Variants in XPO1 observed in about 807,000 individuals in gnomAD.
XPO1 encodes the protein exportin-1.
Under a neutral mutation model 133.3 loss-of-function variants are expected in XPO1, and 5 were observed. The observed-to-expected ratio is 0.04, with a 90% CI of 0.02 to 0.08. The LOEUF is 0.08. Ranked by LOEUF, XPO1 falls within the 10% of genes least tolerant of loss-of-function variation. XPO1 has a pLI of 1.00. For synonymous variants in XPO1, 419 were observed against 408.2 expected, an observed-to-expected ratio of 1.03 and a Z score of -0.32; for missense variants, 506 against 1,267.5, an observed-to-expected ratio of 0.40 and a Z score of 9.12.
At chr2:61,500,931 T>C (rs192174368) in intron 6 of XPO1, among the ~76,000 whole-genome samples, 2 of 152,320 alleles carry the variant, frequency 1.3e-5, no homozygotes, top group African/African-American at 4.8e-5. Flanking sequence ...TTTGGATATA[T>C]GAATTTAAAA....
At chr2:61,499,243 A>C (rs534268499) in intron 7 of XPO1, among the ~76,000 whole-genome samples, 1 of 152,322 alleles carries the variant, frequency 6.6e-6, no homozygotes, top group African/African-American at 2.4e-5. Context: ...ACTGAAAAGA[A>C]GCAGAGACAA....
intron 11 of XPO1, among the ~76,000 whole-genome samples, chr2:61,495,120 C>T (rs1257447938): frequency 2.6e-5 from 4 of 151,608 alleles, no homozygotes; most frequent in East Asian, 1.9e-4. Context: ...TGGGATTACA[C>T]GATGAATTGT....
chr2:61,491,459 A>AACACACACACACACACACACACAC (rs61072503), intron 16 of XPO1, among the ~76,000 whole-genome samples: 3 of 142,908 alleles, frequency 2.1e-5, no homozygotes, highest in Non-Finnish European at 4.6e-5. Context: ...TCAAAAAACA[A>AACACACACACACACACACACACAC]ACACACACAC....
At chr2:61,509,626 CA>C (rs1035000369) in intron 4 of XPO1, among the ~76,000 whole-genome samples, 1 of 149,442 alleles carries the variant, frequency 6.7e-6, no homozygotes, top group Non-Finnish European at 1.5e-5. Flanking sequence ...AACTCTGTCT[CA>C]AAAAAAAGGA....
At chr2:61,484,173 G>C in intron 20 of XPO1, 68 bp from the exon 21 acceptor site, 1 of 1,388,100 alleles carries the variant, frequency 7.2e-7, no homozygotes, top group Non-Finnish European at 1.0e-6. Flanking sequence ...GAGGGGAAAA[G>C]CAAGGCTTAA....
Position 61,478,581 on chromosome 2 carries a change from T to A in XPO1, c.*239A>T. 4.5e-6 allele frequency: 2 copies of A among 441,702 alleles called. No individual in the cohort carries two copies. Among genetic ancestry groups the A allele is most frequent in the Admixed American group, 4.3e-5 (1 of 23,282 alleles). 27.4% of individuals were successfully genotyped at this position (441,702 alleles called of 1,614,324 possible). On this transcript the variant is annotated 3_prime_UTR_variant, in exon 25 of 25. Coordinates refer to ENST00000401558, the MANE Select transcript of XPO1 (RefSeq NM_003400.4). ...CACAAAAATGGGCATGAAGTAAAAT[T>A]TTTAAAAATGCCTTAATTTTCAACT...
chr2:61,487,507 C>A (rs1696753316), intron 19 of XPO1, among the ~76,000 whole-genome samples: 1 of 151,214 alleles, frequency 6.6e-6, no homozygotes, highest in African/African-American at 2.4e-5. Flanking sequence ...AATTTCAAAA[C>A]TATGAAAATA....
intron 3 of XPO1, chr2:61,525,645 T>TA: frequency 1.2e-5 from 12 of 1,023,020 alleles, no homozygotes; most frequent in Non-Finnish European, 1.2e-5. Flanking sequence ...CAAACACTGT[T>TA]ATGTTACTTA....
At chr2:61,537,517 C>G (rs1290547804) in intron 1 of XPO1, 45 bp downstream of exon 1, 1 of 148,156 alleles carries the variant, frequency 6.7e-6, no homozygotes, top group Non-Finnish European at 1.5e-5. Flanking sequence ...CCCGCCCGGC[C>G]GCGCCGCCGC....
chr2:61,496,349 C>G (rs1697241290), intron 10 of XPO1, among the ~76,000 whole-genome samples: 1 of 152,068 alleles, frequency 6.6e-6, no homozygotes, highest in African/African-American at 2.4e-5. Context: ...GTAGCTGGAA[C>G]TACAGGTGTG....
At chr2:61,497,872 G>A (rs1697321298) in intron 9 of XPO1, among the ~76,000 whole-genome samples, 1 of 152,174 alleles carries the variant, frequency 6.6e-6, no homozygotes, top group Non-Finnish European at 1.5e-5. Context: ...AATGTTCTCT[G>A]TAGGACTGTT....
intron 12 of XPO1, chr2:61,493,279 A>G (rs1697080969): frequency 2.6e-6 from 1 of 381,176 alleles, no homozygotes; most frequent in Non-Finnish European, 4.6e-6. Context: ...CCAATCTCTA[A>G]AACAATAAAA....
intron 4 of XPO1, among the ~76,000 whole-genome samples, chr2:61,503,408 G>A (rs1359396024): frequency 1.3e-5 from 2 of 150,554 alleles, no homozygotes; most frequent in African/African-American, 2.4e-5. Context: ...TTACAGGCAC[G>A]CACCACCACA....
chr2:61,488,794 C>T (rs1223423525), intron 17 of XPO1, 23 bp from the exon 18 acceptor site: 7 of 1,610,218 alleles, frequency 4.3e-6, no homozygotes, highest in Non-Finnish European at 5.9e-6. Context: ...AAAGCAAATT[C>T]CATTTATCAT....
rs144146024 is a variant in XPO1, at chr2:61,512,954, C to T, written c.301+9657G>A. Among the ~76,000 whole-genome samples the T allele has an allele frequency of 1.4e-4, 21 of 152,204 alleles. No individual in the cohort carries two copies. The East Asian group carries it at 2.3e-3, about 17-fold the overall frequency. Reference sequence around the variant, plus strand: ...GGTGGAGTTTGCAGTGAGCCAAGATCGCGCCACTGTACTCTGGCCAGGAGA... The same window carrying T: ...GGTGGAGTTTGCAGTGAGCCAAGATTGCGCCACTGTACTCTGGCCAGGAGA... On this transcript the variant is annotated intron_variant, in intron 4 of 24. Coordinates refer to ENST00000401558, the MANE Select transcript of XPO1 (RefSeq NM_003400.4).
At chr2:61,511,501 G>A (rs1698095382) in intron 4 of XPO1, among the ~76,000 whole-genome samples, 1 of 151,738 alleles carries the variant, frequency 6.6e-6, no homozygotes, top group Non-Finnish European at 1.5e-5. Context: ...TCGACCTCCT[G>A]CCTGGACTCA....
chr2:61,510,778 A>C (rs1445046383), intron 4 of XPO1, among the ~76,000 whole-genome samples: 3 of 151,984 alleles, frequency 2.0e-5, no homozygotes, highest in Non-Finnish European at 4.4e-5. Flanking sequence ...CTCTACAAAA[A>C]ATAGAAACAG....
chr2:61,482,033 C>CTTTGTT (rs1491506588), intron 23 of XPO1, among the ~76,000 whole-genome samples: 1 of 86,820 alleles, frequency 1.2e-5, no homozygotes, highest in Non-Finnish European at 2.5e-5. Flanking sequence ...CCGTGCGTGG[C>CTTTGTT]CTTTTTTTTT....
chr2:61,528,115 C>A (rs1288027079), intron 2 of XPO1, among the ~76,000 whole-genome samples: 1 of 151,800 alleles, frequency 6.6e-6, no homozygotes, highest in Non-Finnish European at 1.5e-5. Context: ...TCAGTAGAGA[C>A]AGGGTTTCAC....
Sources: allele counts gnomAD v4.1 joint callset (sites outside exome capture counted in the v4.1 genomes callset), GRCh38; gene constraint gnomAD v4.1.1; transcripts MANE v1.5; gene names NCBI Gene and HGNC (gene_info 2026-07-23, HGNC 2026-07-21).